UBXN6: variants seen among roughly 807,000 people sequenced by gnomAD.
UBXN6 encodes UBX domain protein 6.
Under a neutral mutation model 51.4 loss-of-function variants are expected in UBXN6, and 44 were observed. That is an observed-to-expected ratio of 0.86 (90% CI 0.67 to 1.10). The LOEUF is 1.10. Ranked by LOEUF, UBXN6 falls within the 50% of genes least tolerant of loss-of-function variation. The probability of loss-of-function intolerance (pLI) is 0.00; values close to 1 mark genes in which losing one functional copy is unlikely to be tolerated. For missense variants in UBXN6, 672 were observed against 596.1 expected (o/e 1.13, Z -1.32); for synonymous variants, 316 against 263.2 (o/e 1.20, Z -1.94).
Position 4,445,332 on chromosome 19 carries a change from C to T in UBXN6, c.*166G>A. 1 of 1,225,904 alleles carries T rather than the reference C, an allele frequency of 8.2e-7. No individual in the cohort carries two copies. The highest frequency in any genetic ancestry group is 1.1e-6 in the Non-Finnish European group (1 of 881,652). 75.9% of individuals were successfully genotyped at this position (1,225,904 alleles called of 1,614,324 possible). ...CCACAGCCCCCAAGGGATGGGGGCT[C>T]TGCCACGGGGCCCAATTCCACAGCT... is the stretch of plus-strand genomic sequence containing the variant. On this transcript the variant is annotated 3_prime_UTR_variant, in exon 11 of 11. Transcript: ENST00000301281.
At chr19:4,451,812 GGAA>G (rs1296646514) in intron 4 of UBXN6, among the ~76,000 whole-genome samples, 1 of 151,582 alleles carries the variant, frequency 6.6e-6, no homozygotes, top group Non-Finnish European at 1.5e-5. Flanking sequence ...TAATTTTGTA[GGAA>G]GTTCTTTCTG....
chr19:4,447,445 A>T, intron 6 of UBXN6, 105 bp downstream of exon 6: 1 of 1,253,812 alleles, frequency 8.0e-7, no homozygotes, highest in Non-Finnish European at 1.2e-6. Flanking sequence ...AACTCTCGCT[A>T]GCTCCTCCAG....
In UBXN6 at chr19:4,448,315, C is replaced by T. The variant is rs746295954; in HGVS notation, c.539+3G>A. The T allele has an allele frequency of 6.2e-7, 1 of 1,602,688 alleles. No individual in the cohort carries two copies. Among genetic ancestry groups the T allele is most frequent in the Admixed American group, 1.7e-5 (1 of 58,504 alleles). On this transcript the variant is annotated splice_donor_region_variant and intron_variant, in intron 5 of 10. Coordinates refer to ENST00000301281, the MANE Select transcript of UBXN6 (RefSeq NM_025241.3). ...AGGCAGGGCAAAGGGGCCACACGCT[C>T]ACTTGGCAATGGTGTCCACACCCAG...
intron 4 of UBXN6, chr19:4,448,647 C>T (rs1260511390): frequency 5.7e-5 from 32 of 565,768 alleles, no homozygotes; most frequent in Non-Finnish European, 6.3e-5. Context: ...TCTCCCCTTC[C>T]GCCTTCTCAA....
chr19:4,447,001 GCT>G (rs1188627436), intron 6 of UBXN6, 81 bp from the exon 7 acceptor site: 1 of 1,383,784 alleles, frequency 7.2e-7, no homozygotes, highest in Non-Finnish European at 1.0e-6. Context: ...CAGGGGCCCG[GCT>G]CTCGCTATTG....
chr19:4,447,682 C>G, intron 5 of UBXN6, 57 bp from the exon 6 acceptor site: 1 of 1,559,064 alleles, frequency 6.4e-7, no homozygotes. Flanking sequence ...CCCGGCCCCT[C>G]TGTGCCTCCT....
intron 1 of UBXN6, among the ~76,000 whole-genome samples, chr19:4,456,855 T>C (rs966940931): frequency 5.3e-5 from 8 of 151,312 alleles, no homozygotes; most frequent in Admixed American, 5.3e-4. Context: ...CGGGTAAGAG[T>C]CCATCTGTCA....
At position 4,446,114 on chromosome 19, in the gene UBXN6, G is replaced by A. The variant is rs758300696; in HGVS notation, c.1135C>T (p.Leu379=). 1 of 1,612,638 alleles carries A rather than the reference G, an allele frequency of 6.2e-7. No homozygotes were observed. Among genetic ancestry groups the A allele is most frequent in the Non-Finnish European group, 8.5e-7 (1 of 1,179,912 alleles). ...ALQSDWLPFE[L]LASGGQKLSE... Reference sequence around the variant, plus strand: ...AGCTTCTGCCCTCCCGAGGCCAGCAGCTCAAAAGGCAGCCAGTCGCTCTGC... The same window carrying A: ...AGCTTCTGCCCTCCCGAGGCCAGCAACTCAAAAGGCAGCCAGTCGCTCTGC... The change falls in exon 10 of 11, where the codon CTG becomes TTG. Residue 379 remains leucine (L), a synonymous_variant. Coordinates refer to ENST00000301281, the MANE Select transcript of UBXN6 (RefSeq NM_025241.3).
At chr19:4,451,175 G>C (rs1974647566) in intron 4 of UBXN6, among the ~76,000 whole-genome samples, 1 of 152,156 alleles carries the variant, frequency 6.6e-6, no homozygotes, top group Non-Finnish European at 1.5e-5. Context: ...TCCTGCCTCA[G>C]TCTCCTGAGT....
Position 4,446,036 on chromosome 19 carries a change from G to A in UBXN6, c.1200+13C>T. ...GCATCGGGTCAGCGGTGCTCCTGCG[G>A]GCCGACACTCACCAGCCCGCACTCG... On this transcript the variant is annotated intron_variant, in intron 10 of 10. Coordinates refer to ENST00000301281, the MANE Select transcript of UBXN6 (RefSeq NM_025241.3). 1 of 1,604,338 alleles carries A rather than the reference G, an allele frequency of 6.2e-7. No individual in the cohort carries two copies. The highest frequency in any genetic ancestry group is 1.3e-5 in the African/African-American group (1 of 74,930).
chr19:4,448,738 T>A, intron 4 of UBXN6: 1 of 339,264 alleles, frequency 2.9e-6, no homozygotes. Context: ...TCGACCTCAG[T>A]GCTGAGATCC....
intron 4 of UBXN6, 39 bp downstream of exon 4, chr19:4,452,325 G>T: frequency 1.9e-6 from 3 of 1,604,274 alleles, no homozygotes; most frequent in Non-Finnish European, 2.6e-6. Flanking sequence ...GGCACAGGAA[G>T]CTACAGGTTG....
At chr19:4,455,802 G>A (rs1179230281) in intron 1 of UBXN6, among the ~76,000 whole-genome samples, 1 of 152,024 alleles carries the variant, frequency 6.6e-6, no homozygotes, top group Non-Finnish European at 1.5e-5. Flanking sequence ...GAGAGAAGGA[G>A]GGGCAGATTT....
In UBXN6 at chr19:4,457,585, G is replaced by C. The variant is rs200383476; in HGVS notation, c.83+30C>G. The C allele has an allele frequency of 9.9e-5, 156 of 1,574,588 alleles. No homozygotes were observed. The African/African-American group carries it at 2.0e-3, about 20-fold the overall frequency. On this transcript the variant is annotated intron_variant, in intron 1 of 10. Transcript: ENST00000301281. ...TCTCCCCGGCCGTCCCCGCCCCGCA[G>C]GGCCTCAAGCCCCTGCGTTCCTCAC...
In UBXN6 at chr19:4,453,672, C is replaced by T. The variant is rs1393911000; in HGVS notation, c.248-150G>A. 6 of 1,095,868 alleles carry T rather than the reference C, an allele frequency of 5.5e-6. No individual in the cohort carries two copies. In the African/African-American group the frequency reaches 9.3e-5, roughly 17 times the overall value. The allele number at this position is 1,095,868 out of a possible 1,614,324, so 67.9% of individuals were successfully genotyped here. The stretch of plus-strand genomic sequence containing the variant: ...TGGAGGTCAGGCTGGAGGTCCCCTG[C>T]AGGACTTGCTGTGCAGCCACCCCTC... On this transcript the variant is annotated intron_variant, in intron 2 of 10. Coordinates refer to ENST00000301281, the MANE Select transcript of UBXN6 (RefSeq NM_025241.3).
chr19:4,456,261 T>C (rs1974738349), intron 1 of UBXN6, among the ~76,000 whole-genome samples: 1 of 112,962 alleles, frequency 8.9e-6, no homozygotes, highest in Non-Finnish European at 1.8e-5. Flanking sequence ...GCTCCCCCGA[T>C]TTGCCCCCTT....
chr19:4,446,235 GC>G, intron 9 of UBXN6, 38 bp from the exon 10 acceptor site: 1 of 1,576,640 alleles, frequency 6.3e-7, no homozygotes, highest in Non-Finnish European at 8.6e-7. Flanking sequence ...GGGGCCCAGG[GC>G]CCCCTACCAA....
chr19:4,454,390 C>T (rs1974708397), intron 1 of UBXN6, among the ~76,000 whole-genome samples: 1 of 152,198 alleles, frequency 6.6e-6, no homozygotes, highest in Admixed American at 6.5e-5. Context: ...GGTGACAGCA[C>T]CCCTCCTGAG....
intron 4 of UBXN6, among the ~76,000 whole-genome samples, chr19:4,451,763 G>A (rs886335700): frequency 4.6e-5 from 7 of 151,620 alleles, no homozygotes; most frequent in East Asian, 2.0e-4. Context: ...TCAGCCTCCC[G>A]AGTAGCTGGG....
Sources: allele counts gnomAD v4.1 joint callset (sites outside exome capture counted in the v4.1 genomes callset), GRCh38; gene constraint gnomAD v4.1.1; transcripts MANE v1.5; gene names NCBI Gene and HGNC (gene_info 2026-07-23, HGNC 2026-07-21).